Variants in SEMA6A observed in about 807,000 individuals in gnomAD.
SEMA6A encodes the protein semaphorin-6A.
Under a neutral mutation model 96.8 loss-of-function variants are expected in SEMA6A, and 25 were observed. The ratio of observed to expected loss-of-function variants is 0.26; its 90% CI spans 0.19 to 0.36. The LOEUF (loss-of-function observed/expected upper bound fraction) is 0.36, where lower values mean the gene tolerates loss of function less well. SEMA6A is among the 10% of genes least tolerant of loss of function. The probability of loss-of-function intolerance (pLI) is 1.00; values close to 1 mark genes in which losing one functional copy is unlikely to be tolerated. For missense variants in SEMA6A, 1,363 were observed against 1,323.1 expected (o/e 1.03, Z -0.47); for synonymous variants, 612 against 518.0 (o/e 1.18, Z -2.46).
chr5:116,462,469 C>A (rs1266750308), intron 18 of SEMA6A, among the ~76,000 whole-genome samples: 5 of 152,192 alleles, frequency 3.3e-5, no homozygotes, highest in African/African-American at 1.2e-4. Flanking sequence ...GCAGACCACA[C>A]TAGGGTGCTT....
chr5:116,563,385 G>A (rs995336395), intron 1 of SEMA6A, among the ~76,000 whole-genome samples: 10 of 152,086 alleles, frequency 6.6e-5, no homozygotes, highest in Non-Finnish European at 1.0e-4. Flanking sequence ...TTCATTCTTT[G>A]TATGACCATT....
At chr5:116,547,529 C>T (rs1373253657) in intron 1 of SEMA6A, among the ~76,000 whole-genome samples, 1 of 151,910 alleles carries the variant, frequency 6.6e-6, no homozygotes, top group Non-Finnish European at 1.5e-5. Context: ...ATTTTCCCCT[C>T]ATTTTTTAAC....
At chr5:116,566,031 C>CAGAG (rs75368722) in intron 1 of SEMA6A, among the ~76,000 whole-genome samples, 37,522 of 151,958 alleles carry the variant, frequency 0.25, 4,634 homozygotes, top group East Asian at 0.31. Context: ...GGATCTATCA[C>CAGAG]AGCTTGTCTG....
chr5:116,563,648 T>A (rs1760908401), intron 1 of SEMA6A, among the ~76,000 whole-genome samples: 2 of 152,244 alleles, frequency 1.3e-5, no homozygotes, highest in South Asian at 4.1e-4. Context: ...CAATGTTGTG[T>A]CTAACCCGAC....
chr5:116,569,927 G>C (rs899158691), intron 1 of SEMA6A, among the ~76,000 whole-genome samples: 31 of 152,316 alleles, frequency 2.0e-4, no homozygotes, highest in African/African-American at 7.2e-4. Context: ...TGAGGTCCAG[G>C]AGAGAGGTCT....
At chr5:116,516,659 C>T (rs765935288) in intron 1 of SEMA6A, among the ~76,000 whole-genome samples, 27 of 152,118 alleles carry the variant, frequency 1.8e-4, no homozygotes, top group Admixed American at 1.3e-4. Flanking sequence ...TCACTAGGTG[C>T]CTCTTCCCAA....
intron 1 of SEMA6A, among the ~76,000 whole-genome samples, chr5:116,532,669 A>G (rs1759535163): frequency 6.6e-6 from 1 of 152,024 alleles, no homozygotes; most frequent in South Asian, 2.1e-4. Flanking sequence ...TTTTCTAACC[A>G]TCTTGTAACA....
rs377336822 is a variant in SEMA6A at position 116,473,164 on chromosome 5, G to A, written c.1709-71C>T. Reference sequence around the variant, plus strand: ...TGCTTGGGGCGACTTACATAAGTGGGAATGAGCTAACACAGAACTATGCCA... The same window carrying A: ...TGCTTGGGGCGACTTACATAAGTGGAAATGAGCTAACACAGAACTATGCCA... On this transcript the variant is annotated intron_variant, in intron 16 of 18. Transcript: ENST00000343348. 1.5e-3 allele frequency: 2,209 copies of A among 1,457,684 alleles called. 28 individuals are homozygous for A. The South Asian group carries it at 0.017, about 11-fold the overall frequency. 90.3% of individuals were successfully genotyped at this position (1,457,684 alleles called of 1,614,324 possible). A position where few individuals can be genotyped will look rare whatever the true frequency, so the allele number is the denominator to read the frequency against.
chr5:116,459,968 T>C (rs541320841), intron 18 of SEMA6A, among the ~76,000 whole-genome samples: 1 of 152,306 alleles, frequency 6.6e-6, no homozygotes, highest in Admixed American at 6.5e-5. Context: ...TTGCCTTTCT[T>C]TGAGATGAGA....
chr5:116,567,372 C>T lies in SEMA6A; in HGVS notation c.-39+6813G>A, dbSNP rs568729047. 2.0e-5 allele frequency among the ~76,000 whole-genome samples: 3 copies of T among 152,208 alleles called. No homozygotes were observed. The East Asian group carries it at 5.8e-4, about 29-fold the overall frequency. ...TTATATTACAGATTCGTAGCCATTT[C>T]CTTTTCTACTATTTCCCCTGCCCCC... On this transcript the variant is annotated intron_variant, in intron 1 of 18. Coordinates refer to ENST00000343348, the MANE Select transcript of SEMA6A (RefSeq NM_020796.5).
intron 5 of SEMA6A, 45 bp from the exon 6 acceptor site, chr5:116,495,559 A>G (rs1197344128): frequency 2.2e-6 from 3 of 1,361,316 alleles, no homozygotes; most frequent in African/African-American, 1.4e-5. Context: ...CATTCAGTAC[A>G]GAAACTGATT....
At chr5:116,459,096 A>T (rs1248758257) in intron 18 of SEMA6A, among the ~76,000 whole-genome samples, 1 of 152,206 alleles carries the variant, frequency 6.6e-6, no homozygotes, top group Admixed American at 6.5e-5. Flanking sequence ...TTATTAATTA[A>T]GCCACCGTGC....
chr5:116,447,110 G>C lies in SEMA6A; in HGVS notation c.2596C>G (p.His866Asp). Residue 866 changes from histidine to aspartate, a missense_variant, in exon 19 of 19, where the codon CAT becomes GAT. Transcript: ENST00000343348. ...AGGTTCTCCACAAGGTTCACCCCAT[G>C]GTTGGGACTCTTGCTGCTGAGATGT... ...KEHLSSKSPN[H>D]GVNLVENLDS... 1 of 1,613,976 alleles carries C rather than the reference G, an allele frequency of 6.2e-7. No individual in the cohort carries two copies. Among genetic ancestry groups the C allele is most frequent in the Non-Finnish European group, 8.5e-7 (1 of 1,179,876 alleles).
chr5:116,507,017 C>G (rs1393509073), intron 1 of SEMA6A, among the ~76,000 whole-genome samples: 1 of 152,116 alleles, frequency 6.6e-6, no homozygotes, highest in African/African-American at 2.4e-5. Context: ...GTGTCAAATG[C>G]AAAATTCTCA....
At chr5:116,457,736 AG>A (rs1294496197) in intron 18 of SEMA6A, among the ~76,000 whole-genome samples, 1 of 152,164 alleles carries the variant, frequency 6.6e-6, no homozygotes, top group African/African-American at 2.4e-5. Context: ...AGTATACTTC[AG>A]GGCGTTTCCA....
At chr5:116,502,549 C>G in intron 2 of SEMA6A, 1 of 489,174 alleles carries the variant, frequency 2.0e-6, no homozygotes, top group South Asian at 3.1e-5. Flanking sequence ...AATTATAAGC[C>G]TGGATTTATA....
At chr5:116,542,921 A>G (rs1760034429) in intron 1 of SEMA6A, among the ~76,000 whole-genome samples, 1 of 151,876 alleles carries the variant, frequency 6.6e-6, no homozygotes, top group Admixed American at 6.6e-5. Flanking sequence ...CCTTTCTCTG[A>G]TTTTTTTTGG....
intron 1 of SEMA6A, among the ~76,000 whole-genome samples, chr5:116,548,730 C>T (rs1221626918): frequency 6.6e-6 from 1 of 152,200 alleles, no homozygotes; most frequent in Non-Finnish European, 1.5e-5. Context: ...ATTCTCTCTG[C>T]CTGGATGGCT....
chr5:116,529,906 G>A (rs763819945), intron 1 of SEMA6A, among the ~76,000 whole-genome samples: 2 of 151,970 alleles, frequency 1.3e-5, no homozygotes, highest in Non-Finnish European at 2.9e-5. Flanking sequence ...TCACTACCTG[G>A]GTGACGGGAT....
Sources: allele counts gnomAD v4.1 joint callset (sites outside exome capture counted in the v4.1 genomes callset), GRCh38; gene constraint gnomAD v4.1.1; transcripts MANE v1.5; gene names NCBI Gene and HGNC (gene_info 2026-07-23, HGNC 2026-07-21).